Variants in GPM6A observed in about 807,000 individuals in gnomAD.
The protein encoded by GPM6A is glycoprotein M6A.
GPM6A carries 7 observed loss-of-function variants against 32.1 expected under a neutral mutation model. The observed-to-expected ratio is 0.22, with a 90% CI of 0.12 to 0.41. The LOEUF (loss-of-function observed/expected upper bound fraction) is 0.41. Among genes scored for constraint, GPM6A ranks in the 10% least tolerant of loss-of-function variants. The pLI, the probability that GPM6A is intolerant of heterozygous loss-of-function variation, is 1.00. For synonymous variants in GPM6A, 130 were observed against 123.4 expected (o/e 1.05, Z -0.35); for missense variants, 235 against 347.2 (o/e 0.68, Z 2.57).
intron 1 of GPM6A, among the ~76,000 whole-genome samples, chr4:175,819,776 C>G (rs978228308): frequency 1.3e-5 from 2 of 152,116 alleles, no homozygotes; most frequent in African/African-American, 4.8e-5. Flanking sequence ...GGAAAAGGCC[C>G]TGATTGTAAA....
chr4:175,873,422 T>C, intron 1 of GPM6A, among the ~76,000 whole-genome samples: 1 of 152,128 alleles, frequency 6.6e-6, no homozygotes. Context: ...CAAGTGCAGA[T>C]GTTCACACTT....
At chr4:175,677,061 T>A (rs1743411414) in intron 2 of GPM6A, among the ~76,000 whole-genome samples, 2 of 152,202 alleles carry the variant, frequency 1.3e-5, no homozygotes, top group Admixed American at 6.5e-5. Context: ...ATTTTTTAGA[T>A]CAACTTCAAG....
At chr4:175,696,314 AAGAAGC>A (rs763909821) in intron 2 of GPM6A, among the ~76,000 whole-genome samples, 4 of 152,204 alleles carry the variant, frequency 2.6e-5, no homozygotes, top group Non-Finnish European at 4.4e-5. Context: ...GAAAGCTGGA[AAGAAGC>A]AGAGACAATA....
chr4:175,909,434 T>A, intron 1 of GPM6A, among the ~76,000 whole-genome samples: 1 of 152,186 alleles, frequency 6.6e-6, no homozygotes, highest in East Asian at 1.9e-4. Context: ...AAGTTTACCA[T>A]ACTTATTCAT....
intron 1 of GPM6A, among the ~76,000 whole-genome samples, chr4:175,924,837 C>T (rs1738780561): frequency 8.2e-6 from 1 of 122,470 alleles, no homozygotes; most frequent in African/African-American, 3.5e-5. Context: ...GAAAATCTGT[C>T]TCAAAAAAAA....
In GPM6A at chr4:175,684,864, GTGTTTTGTTT is replaced by G. The variant is rs907811332; in HGVS notation, c.231-11038_231-11029del. ...TTCTTAACTATTTGTGTGTGTGTGT[GTGTTTTGTTT>G]TGTTTTGTTTTGTTTTATTATTATT... On this transcript the variant is annotated intron_variant, in intron 2 of 6. Coordinates refer to ENST00000393658, the MANE Select transcript of GPM6A (RefSeq NM_201591.3). 5.3e-5 allele frequency among the ~76,000 whole-genome samples: 8 copies of G among 152,036 alleles called. No individual in the cohort carries two copies. The South Asian group carries it at 6.2e-4, about 12-fold the overall frequency.
chr4:175,886,638 G>C (rs2111467352), intron 1 of GPM6A, among the ~76,000 whole-genome samples: 1 of 148,742 alleles, frequency 6.7e-6, no homozygotes, highest in East Asian at 2.0e-4. Context: ...ATAATAAAAA[G>C]ACAAAAAGAG....
At chr4:175,798,447 T>C (rs910060314) in intron 1 of GPM6A, among the ~76,000 whole-genome samples, 6 of 152,198 alleles carry the variant, frequency 3.9e-5, no homozygotes, top group African/African-American at 1.4e-4. Flanking sequence ...CTTTACATAA[T>C]TGCCTCATTT....
chr4:175,921,951 T>A (rs956113611), intron 1 of GPM6A, among the ~76,000 whole-genome samples: 2 of 152,168 alleles, frequency 1.3e-5, no homozygotes, highest in African/African-American at 4.8e-5. Flanking sequence ...TCACTAGAAC[T>A]AGAATGGGAG....
chr4:175,974,403 T>C (rs1004532419), intron 1 of GPM6A, among the ~76,000 whole-genome samples: 13 of 152,164 alleles, frequency 8.5e-5, no homozygotes, highest in Non-Finnish European at 1.5e-4. Context: ...TCACCCAGGC[T>C]AGAGGACAGT....
chr4:175,720,076 C>T (rs1395207545), intron 1 of GPM6A, among the ~76,000 whole-genome samples: 1 of 152,144 alleles, frequency 6.6e-6, no homozygotes, highest in South Asian at 2.1e-4. Flanking sequence ...TCAGTCTTGA[C>T]CAATTTATCC....
intron 1 of GPM6A, among the ~76,000 whole-genome samples, chr4:175,835,627 GTATATATATA>G (rs35980764): frequency 1.4e-5 from 2 of 138,630 alleles, no homozygotes; most frequent in African/African-American, 5.4e-5. Flanking sequence ...GTGAGTGTGT[GTATATATATA>G]TATATATATA....
At chr4:175,879,577 G>T (rs79231558) in intron 1 of GPM6A, among the ~76,000 whole-genome samples, 1 of 152,000 alleles carries the variant, frequency 6.6e-6, no homozygotes, top group East Asian at 1.9e-4. Flanking sequence ...ACAGTATGGC[G>T]GAAACTGTCC....
intron 1 of GPM6A, among the ~76,000 whole-genome samples, chr4:175,902,899 G>A (rs1232889816): frequency 6.6e-6 from 1 of 152,044 alleles, no homozygotes; most frequent in Non-Finnish European, 1.5e-5. Context: ...CTTCCGTTAT[G>A]ATTCCATTTT....
intron 1 of GPM6A, chr4:175,787,196 T>C (rs943353161): frequency 3.1e-6 from 2 of 638,656 alleles, no homozygotes; most frequent in African/African-American, 1.8e-5. Context: ...TTTCATTGGA[T>C]GTGACATGCC....
chr4:175,895,516 C>G (rs1310118741), intron 1 of GPM6A, among the ~76,000 whole-genome samples: 1 of 152,048 alleles, frequency 6.6e-6, no homozygotes, highest in Middle Eastern at 3.4e-3. Flanking sequence ...TTTGAAAACA[C>G]AGATGAGGAA....
intron 1 of GPM6A, among the ~76,000 whole-genome samples, chr4:175,989,060 T>C (rs1366103977): frequency 6.6e-6 from 1 of 152,118 alleles, no homozygotes; most frequent in Non-Finnish European, 1.5e-5. Flanking sequence ...TGCCTACCAG[T>C]AGAGCAATAC....
At chr4:175,637,237 T>A (rs28769284) in intron 6 of GPM6A, among the ~76,000 whole-genome samples, 1 of 30,480 alleles carries the variant, frequency 3.3e-5, no homozygotes, top group Non-Finnish European at 5.8e-5. Context: ...AAAATATATA[T>A]TATATATTAT....
At chr4:175,830,897 TG>T (rs1367338075) in intron 1 of GPM6A, among the ~76,000 whole-genome samples, 1 of 151,908 alleles carries the variant, frequency 6.6e-6, no homozygotes, top group Non-Finnish European at 1.5e-5. Flanking sequence ...CTAACTGGGT[TG>T]GGGAAAAAAA....
Sources: gnomAD v4.1 joint callset for allele counts (sites outside exome capture counted in the v4.1 genomes callset) on GRCh38, gnomAD v4.1.1 for gene constraint, MANE v1.5 for transcripts, NCBI Gene and HGNC (gene_info 2026-07-23, HGNC 2026-07-21) for gene names.